DNMT3A: variants seen among roughly 807,000 people sequenced by gnomAD.
The protein encoded by DNMT3A is DNA methyltransferase 3 alpha.
Under a neutral mutation model 117.6 loss-of-function variants are expected in DNMT3A, and 267 were observed. That is an observed-to-expected ratio of 2.27 (90% CI 2.05 to 2.51). The LOEUF (loss-of-function observed/expected upper bound fraction) is 2.51. Ranked by LOEUF, DNMT3A falls within the 30% of genes most tolerant of loss-of-function variation. DNMT3A has a pLI of 0.00. For missense variants in DNMT3A, 1,029 were observed against 1,260.2 expected (o/e 0.82, Z 2.78); for synonymous variants, 432 against 474.8 (o/e 0.91, Z 1.17).
rs920934067 is a variant in DNMT3A, at chr2:25,339,831, A to G, written c.-178+1995T>C. Among the ~76,000 whole-genome samples, 1 of 152,236 alleles carries G rather than the reference A, an allele frequency of 6.6e-6. No homozygotes were observed. Among genetic ancestry groups the G allele is most frequent in the Non-Finnish European group, 1.5e-5 (1 of 68,046 alleles). On this transcript the variant is annotated intron_variant, in intron 1 of 22. Transcript: ENST00000321117. This position sits in a 1 kb window ranked among gnomAD's most constrained non-coding sequence, Gnocchi z 4.9. The stretch of plus-strand genomic sequence containing the variant: ...ACAGGCCAGTCCTAACACCCAGGCA[A>G]TAGCAAGGCGAATAGCTCCCCTGGC...
At chr2:25,331,837 C>T (rs997815797) in intron 1 of DNMT3A, among the ~76,000 whole-genome samples, 1 of 151,992 alleles carries the variant, frequency 6.6e-6, no homozygotes. Context: ...AAATCCCACC[C>T]GCCCTCAAGC....
chr2:25,308,111 C>A (rs1301990655), intron 2 of DNMT3A, among the ~76,000 whole-genome samples: 1 of 152,214 alleles, frequency 6.6e-6, no homozygotes, highest in African/African-American at 2.4e-5. Flanking sequence ...TACTCTTCTC[C>A]CACGCCCCTG....
intron 6 of DNMT3A, among the ~76,000 whole-genome samples, chr2:25,258,273 C>G (rs1007887917): frequency 3.3e-5 from 5 of 152,226 alleles, no homozygotes; most frequent in African/African-American, 1.2e-4. Context: ...GCCATCACCC[C>G]AAACCTCGGC....
chr2:25,301,649 G>T (rs1338615852), intron 2 of DNMT3A, among the ~76,000 whole-genome samples: 1 of 152,192 alleles, frequency 6.6e-6, no homozygotes, highest in Non-Finnish European at 1.5e-5. Context: ...TTCTGACTCA[G>T]CTGGGCTCTG....
At position 25,230,929 on chromosome 2, in the gene DNMT3A, G is replaced by T; in HGVS notation, c.*3350C>A. 6.6e-6 allele frequency: 1 copy of T among 152,200 alleles called. No homozygotes were observed. The highest frequency in any genetic ancestry group is 1.5e-5 in the Non-Finnish European group (1 of 68,100). 9.4% of individuals were successfully genotyped at this position (152,200 alleles called of 1,614,324 possible). On this transcript the variant is annotated 3_prime_UTR_variant, in exon 23 of 23. Transcript: ENST00000321117. ...TCTGTGCCCAGCACTCCCTCCTCGA[G>T]CAAGCCGGCCCACAGGAATCCCCCA...
intron 1 of DNMT3A, among the ~76,000 whole-genome samples, chr2:25,331,256 C>A (rs986015401): frequency 8.5e-5 from 13 of 152,248 alleles, no homozygotes; most frequent in Non-Finnish European, 1.6e-4. Flanking sequence ...CACACTGCTC[C>A]TGGCCTCTAT....
chr2:25,275,488 T>A lies in DNMT3A; in HGVS notation c.492+12A>T. The A allele has an allele frequency of 3.9e-6, 6 of 1,549,258 alleles. No individual in the cohort carries two copies. Among genetic ancestry groups the A allele is most frequent in the Non-Finnish European group, 5.2e-6 (6 of 1,157,710 alleles). ...TCAGGATCCACAGAGCCCCTGGGGG[T>A]GGAACACTTGCCTCCATTTTCATGG... On this transcript the variant is annotated intron_variant, in intron 5 of 22. Coordinates refer to ENST00000321117, the MANE Select transcript of DNMT3A (RefSeq NM_022552.5).
rs1675751007 is a variant in DNMT3A, at chr2:25,252,772, A to C, written c.640-4520T>G. ...GTGAGTTTCTCTGAAGCACAACCAA[A>C]AAAAAAAAAAGAAAAAGCTTACAGA... On this transcript the variant is annotated intron_variant, in intron 6 of 22. Transcript: ENST00000321117. The surrounding 1 kb of genome is among the most constrained non-coding windows in gnomAD (Gnocchi z 5.5). 6.6e-6 allele frequency among the ~76,000 whole-genome samples: 1 copy of C among 151,410 alleles called. No homozygotes were observed. The highest frequency in any genetic ancestry group is 1.5e-5 in the Non-Finnish European group (1 of 67,768).
At chr2:25,279,298 G>T (rs2031703091) in intron 4 of DNMT3A, among the ~76,000 whole-genome samples, 1 of 152,168 alleles carries the variant, frequency 6.6e-6, no homozygotes, top group Non-Finnish European at 1.5e-5. Flanking sequence ...TGTTTTTGCT[G>T]TACAGGAGCT....
rs914514245 is a variant in DNMT3A at position 25,281,564 on chromosome 2, G to A, written c.448+877C>T. On this transcript the variant is annotated intron_variant, in intron 4 of 22. Coordinates refer to ENST00000321117, the MANE Select transcript of DNMT3A (RefSeq NM_022552.5). This position sits in a 1 kb window ranked among gnomAD's most constrained non-coding sequence, Gnocchi z 4.8. ...TCAATTTACTCATTTCATCATACAC[G>A]CTTGGAAGGAAGACTTTTTGAAATT... The A allele has an allele frequency of 1.9e-6, 2 of 1,062,272 alleles. No individual in the cohort carries two copies. Among genetic ancestry groups the A allele is most frequent in the Non-Finnish European group, 2.3e-6 (2 of 877,498 alleles). The allele number at this position is 1,062,272 out of a possible 1,614,324, so 65.8% of individuals were successfully genotyped here.
At chr2:25,269,071 C>T (rs2030629138) in intron 6 of DNMT3A, among the ~76,000 whole-genome samples, 1 of 152,218 alleles carries the variant, frequency 6.6e-6, no homozygotes, top group African/African-American at 2.4e-5. Context: ...CCTGTAATTC[C>T]AGTACTTTGG....
chr2:25,334,481 T>A (rs543878307), intron 1 of DNMT3A, among the ~76,000 whole-genome samples: 12 of 152,218 alleles, frequency 7.9e-5, no homozygotes, highest in African/African-American at 2.6e-4. Flanking sequence ...TCACCTGAGC[T>A]CCATACCCGG....
In DNMT3A at chr2:25,252,422, C is replaced by A. The variant is rs1675691142; in HGVS notation, c.640-4170G>T. 2.2e-6 allele frequency: 1 copy of A among 457,368 alleles called. No homozygotes were observed. Among genetic ancestry groups the A allele is most frequent in the Non-Finnish European group, 3.7e-6 (1 of 267,066 alleles). 28.3% of individuals were successfully genotyped at this position (457,368 alleles called of 1,614,324 possible). On this transcript the variant is annotated intron_variant, in intron 6 of 22. Coordinates refer to ENST00000321117, the MANE Select transcript of DNMT3A (RefSeq NM_022552.5). The surrounding 1 kb of genome is among the most constrained non-coding windows in gnomAD (Gnocchi z 5.5). ...GCTGGAGGGCCTGGTTGGCTGCGAGCGGCCCGGGGAGGGGGCCGGCGCTCC... is the reference window on the plus strand; with the variant it reads ...GCTGGAGGGCCTGGTTGGCTGCGAGAGGCCCGGGGAGGGGGCCGGCGCTCC...
At chr2:25,338,732 G>A (rs1474335379) in intron 1 of DNMT3A, among the ~76,000 whole-genome samples, 2 of 152,312 alleles carry the variant, frequency 1.3e-5, no homozygotes, top group South Asian at 2.1e-4. Flanking sequence ...ATAGCATGGG[G>A]CATCTTCCCC....
At chr2:25,333,122 C>T (rs919703687) in intron 1 of DNMT3A, among the ~76,000 whole-genome samples, 2 of 152,166 alleles carry the variant, frequency 1.3e-5, no homozygotes, top group African/African-American at 4.8e-5. Context: ...GAAAAAGGGA[C>T]AACTTATTGG....
chr2:25,248,487 A>G (rs1302218043), intron 6 of DNMT3A, among the ~76,000 whole-genome samples: 1 of 152,050 alleles, frequency 6.6e-6, no homozygotes, highest in Admixed American at 6.6e-5. Context: ...TTCCTCCCAG[A>G]TCTAATCTTC....
chr2:25,243,070 G>A (rs1030705926), intron 16 of DNMT3A, among the ~76,000 whole-genome samples: 1 of 152,172 alleles, frequency 6.6e-6, no homozygotes, highest in Non-Finnish European at 1.5e-5. Context: ...ACTTTGGGAG[G>A]CCGAGGTGGG....
intron 2 of DNMT3A, among the ~76,000 whole-genome samples, chr2:25,307,734 G>A (rs901050404): frequency 9.2e-5 from 14 of 152,152 alleles, no homozygotes; most frequent in Admixed American, 2.6e-4. Flanking sequence ...CCACAGTGCT[G>A]GGATTCAGGT....
rs1307856488 is a variant in DNMT3A at position 25,246,066 on chromosome 2, T to C, written c.1430-2A>G. On this transcript the variant is annotated splice_acceptor_variant, in intron 11 of 22. Coordinates refer to ENST00000321117, the MANE Select transcript of DNMT3A (RefSeq NM_022552.5). LOFTEE classifies it high-confidence loss of function. ...GCCGCACCTCGTACACCAGCCGCTC[T>C]GCAAGGGGAGGAGAGCTGGCGTCAG... 3.1e-6 allele frequency: 5 copies of C among 1,614,084 alleles called. No homozygotes were observed. Among genetic ancestry groups the C allele is most frequent in the African/African-American group, 1.3e-5 (1 of 74,942 alleles).
Sources: allele counts gnomAD v4.1 joint callset (sites outside exome capture counted in the v4.1 genomes callset), GRCh38; gene constraint gnomAD v4.1.1; non-coding constraint Gnocchi (gnomAD v3.1); transcripts MANE v1.5; gene names NCBI Gene and HGNC (gene_info 2026-07-23, HGNC 2026-07-21).